Variants in PKHD1L1 observed in about 807,000 individuals in gnomAD.
PKHD1L1 encodes the protein PKHD1 like 1.
In PKHD1L1, 434 loss-of-function variants were observed where a neutral mutation model predicts 462.9. That is an observed-to-expected ratio of 0.94 (90% confidence interval 0.87 to 1.02). The LOEUF (loss-of-function observed/expected upper bound fraction) is 1.02, where lower values mean the gene tolerates loss of function less well. Ranked by LOEUF, PKHD1L1 falls within the 50% of genes least tolerant of loss-of-function variation. PKHD1L1 has a pLI of 0.00. For missense variants in PKHD1L1, 5,202 were observed against 5,096.1 expected, an observed-to-expected ratio of 1.02 and a Z score of -0.63; for synonymous variants, 1,781 against 1,750.0, an observed-to-expected ratio of 1.02 and a Z score of -0.44.
chr8:109,362,972 C>T (rs968436937), intron 1 of PKHD1L1, among the ~76,000 whole-genome samples: 13 of 152,042 alleles, frequency 8.6e-5, no homozygotes, highest in African/African-American at 3.1e-4. Flanking sequence ...TGAAATTTGG[C>T]GGGGGAGTGG....
intron 2 of PKHD1L1, among the ~76,000 whole-genome samples, chr8:109,375,550 G>T (rs1487343913): frequency 6.6e-6 from 1 of 152,188 alleles, no homozygotes. Context: ...GTGAGGAGCT[G>T]TGTTCCTTTG....
chr8:109,466,852 G>A, intron 50 of PKHD1L1, 83 bp downstream of exon 50: 2 of 1,301,854 alleles, frequency 1.5e-6, no homozygotes, highest in Non-Finnish European at 1.1e-6. Flanking sequence ...ATTGTTACTT[G>A]GTTGTTCAAA....
chr8:109,460,778 T>C (rs189682882), intron 47 of PKHD1L1, among the ~76,000 whole-genome samples: 51 of 152,320 alleles, frequency 3.3e-4, no homozygotes, highest in African/African-American at 1.2e-3. Context: ...TCATGCTACA[T>C]GTGTCCCATA....
intron 77 of PKHD1L1, 23 bp downstream of exon 77, chr8:109,527,043 T>G (rs750684580): frequency 6.4e-7 from 1 of 1,554,760 alleles, no homozygotes; most frequent in Non-Finnish European, 8.8e-7. Context: ...CATTAATACA[T>G]TATTTCTCCA....
chr8:109,418,244 T>A (rs924674166), intron 21 of PKHD1L1, among the ~76,000 whole-genome samples: 3 of 152,184 alleles, frequency 2.0e-5, no homozygotes, highest in Non-Finnish European at 4.4e-5. Flanking sequence ...ACTTTTTTTT[T>A]TAATTTAAAG....
chr8:109,438,342 G>A lies in PKHD1L1; in HGVS notation c.3646G>A (p.Asp1216Asn). 2 of 1,521,968 alleles carry A rather than the reference G, an allele frequency of 1.3e-6. No homozygotes were observed. The highest frequency in any genetic ancestry group is 2.5e-5 in the South Asian group (2 of 78,938). The allele number at this position is 1,521,968 out of a possible 1,614,324, so 94.3% of individuals were successfully genotyped here. ...RTPKKTEGTV[D>N]ISVTTNGFQA... ...ATTTTAGAAAACTGAGGGTACAGTT[G>A]ATATTTCAGTTACTACCAATGGATT... The change falls in exon 31 of 78, where the codon GAT becomes AAT. Residue 1216 changes from aspartate to asparagine, a missense_variant. Physicochemically the swap from Asp to Asn is conservative, Grantham distance 23. This residue lies in a region of PKHD1L1 where 4,497 missense variants were observed against 4,336.8 expected (regional missense o/e 1.04). Coordinates refer to ENST00000378402, the MANE Select transcript of PKHD1L1 (RefSeq NM_177531.6).
At chr8:109,427,939 C>T (rs1265144001) in intron 25 of PKHD1L1, among the ~76,000 whole-genome samples, 2 of 147,676 alleles carry the variant, frequency 1.4e-5, no homozygotes, top group African/African-American at 5.0e-5. Context: ...ATCGCTTGAA[C>T]CTGGGAGACG....
chr8:109,463,490 T>C (rs1817251492), intron 48 of PKHD1L1, among the ~76,000 whole-genome samples: 1 of 152,174 alleles, frequency 6.6e-6, no homozygotes, highest in Admixed American at 6.6e-5. Flanking sequence ...TAGCTTTAGA[T>C]GGACAACAAA....
At chr8:109,488,528 G>A (rs190069362) in intron 59 of PKHD1L1, among the ~76,000 whole-genome samples, 1 of 151,978 alleles carries the variant, frequency 6.6e-6, no homozygotes, top group East Asian at 1.9e-4. Context: ...TCTTTTTATT[G>A]GAAGATGTTA....
At chr8:109,413,859 T>C (rs1563750638) in intron 21 of PKHD1L1, among the ~76,000 whole-genome samples, 1 of 152,128 alleles carries the variant, frequency 6.6e-6, no homozygotes, top group Non-Finnish European at 1.5e-5. Context: ...CTAATAATGT[T>C]CCTAGTTATG....
rs60902563 is a variant in PKHD1L1, at chr8:109,364,646, CT to C, written c.163+28del. The C allele has an allele frequency of 0.14, 144,593 of 1,006,038 alleles. 16 individuals carry two copies. The highest frequency in any genetic ancestry group is 0.18 in the East Asian group (6,179 of 34,788). The allele number at this position is 1,006,038 out of a possible 1,614,324, so 62.3% of individuals were successfully genotyped here. ...ACTATAAGAGGGGAAGGTATCGTTGCTTTTTTTTTTTTTTTTTTGCCAAGGT... is the reference window on the plus strand; with the variant it reads ...ACTATAAGAGGGGAAGGTATCGTTGCTTTTTTTTTTTTTTTTTGCCAAGGT... On this transcript the variant is annotated intron_variant, in intron 2 of 77. Coordinates refer to ENST00000378402, the MANE Select transcript of PKHD1L1 (RefSeq NM_177531.6).
chr8:109,466,128 G>A (rs74835467), intron 49 of PKHD1L1, among the ~76,000 whole-genome samples: 3,629 of 152,246 alleles, frequency 0.024, 136 homozygotes, highest in African/African-American at 0.083. Context: ...AAGTATAATC[G>A]TAACTTTAAA....
At chr8:109,380,411 A>C (rs568013211) in intron 2 of PKHD1L1, among the ~76,000 whole-genome samples, 9 of 152,284 alleles carry the variant, frequency 5.9e-5, no homozygotes, top group Admixed American at 3.3e-4. Context: ...GAGCTGTGGC[A>C]AATAGTTCCT....
In PKHD1L1 at chr8:109,507,662, G is replaced by A; in HGVS notation, c.10995-1G>A. The A allele has an allele frequency of 6.2e-7, 1 of 1,610,862 alleles. No individual in the cohort carries two copies. The highest frequency in any genetic ancestry group is 8.5e-7 in the Non-Finnish European group (1 of 1,177,374). On this transcript the variant is annotated splice_acceptor_variant, in intron 68 of 77. Coordinates refer to ENST00000378402, the MANE Select transcript of PKHD1L1 (RefSeq NM_177531.6). LOFTEE classifies it high-confidence loss of function. ...CTGAATAATTCAACTTTTCTCCACA[G>A]TAAGGTCAATCCATCTGATTGTGTA...
chr8:109,399,337 G>A (rs1022766315), intron 12 of PKHD1L1, among the ~76,000 whole-genome samples: 10 of 152,046 alleles, frequency 6.6e-5, no homozygotes, highest in Non-Finnish European at 1.3e-4. Context: ...AGCTGAAGAA[G>A]GGTAGCCATT....
At chr8:109,480,725 A>G in intron 55 of PKHD1L1, 1 of 393,490 alleles carries the variant, frequency 2.5e-6, no homozygotes. Flanking sequence ...AAGCAGCATT[A>G]AAATAATAAG....
chr8:109,520,146 A>T (rs1308668474), intron 73 of PKHD1L1, among the ~76,000 whole-genome samples: 1 of 152,134 alleles, frequency 6.6e-6, no homozygotes, highest in East Asian at 1.9e-4. Flanking sequence ...TAGGAAGCCT[A>T]GGCTTGTGTT....
chr8:109,506,500 T>C (rs1819700470), intron 68 of PKHD1L1, among the ~76,000 whole-genome samples: 1 of 152,208 alleles, frequency 6.6e-6, no homozygotes, highest in African/African-American at 2.4e-5. Context: ...TTGAGAGGAT[T>C]CTTTTGCTAA....
At position 109,522,348 on chromosome 8, in the gene PKHD1L1, G is replaced by A; in HGVS notation, c.12183+11G>A. The A allele has an allele frequency of 6.6e-7, 1 of 1,522,716 alleles. No homozygotes were observed. Among genetic ancestry groups the A allele is most frequent in the Admixed American group, 2.3e-5 (1 of 42,674 alleles). 94.3% of individuals were successfully genotyped at this position (1,522,716 alleles called of 1,614,324 possible). A position where few individuals can be genotyped will look rare whatever the true frequency, so the allele number is the denominator to read the frequency against. On this transcript the variant is annotated intron_variant, in intron 74 of 77. Coordinates refer to ENST00000378402, the MANE Select transcript of PKHD1L1 (RefSeq NM_177531.6). ...TCTGGGTGGATTAAGGTAAGAAAAT[G>A]CAACTAGAAAAAATGCATTTTTTGG... is the stretch of plus-strand genomic sequence containing the variant.
Sources: allele counts gnomAD v4.1 joint callset (sites outside exome capture counted in the v4.1 genomes callset), GRCh38; gene constraint gnomAD v4.1.1; regional missense constraint gnomAD v4.1.1; transcripts MANE v1.5; gene names NCBI Gene and HGNC (gene_info 2026-07-23, HGNC 2026-07-21).